PPP3CA: variants seen among roughly 807,000 people sequenced by gnomAD.
The protein encoded by PPP3CA is protein phosphatase 3 catalytic subunit alpha.
Under a neutral mutation model 66.5 loss-of-function variants are expected in PPP3CA, and 14 were observed. The ratio of observed to expected loss-of-function variants is 0.21; its 90% CI spans 0.14 to 0.33. PPP3CA has a LOEUF of 0.33. PPP3CA is among the 10% of genes least tolerant of loss of function. The pLI, the probability that PPP3CA is intolerant of heterozygous loss-of-function variation, is 1.00. For missense variants in PPP3CA, 317 were observed against 639.5 expected (o/e 0.50, Z 5.44); for synonymous variants, 232 against 226.2 (o/e 1.03, Z -0.23).
intron 1 of PPP3CA, among the ~76,000 whole-genome samples, chr4:101,216,393 C>T (rs1380416042): frequency 6.6e-6 from 1 of 151,966 alleles, no homozygotes; most frequent in Non-Finnish European, 1.5e-5. Flanking sequence ...TTTACTGTTC[C>T]CAATCATGGT....
chr4:101,234,445 T>C (rs752964603), intron 1 of PPP3CA, among the ~76,000 whole-genome samples: 13 of 151,936 alleles, frequency 8.6e-5, no homozygotes, highest in Non-Finnish European at 1.5e-4. Context: ...TGTGAGATGG[T>C]ACCACATTGT....
chr4:101,251,147 T>TCATG (rs1411131595), intron 1 of PPP3CA, among the ~76,000 whole-genome samples: 5 of 151,976 alleles, frequency 3.3e-5, no homozygotes, highest in African/African-American at 1.2e-4. Context: ...TTCTTAGCTC[T>TCATG]CATGGGCTCA....
At chr4:101,224,342 G>A (rs1174886656) in intron 1 of PPP3CA, among the ~76,000 whole-genome samples, 2 of 151,546 alleles carry the variant, frequency 1.3e-5, no homozygotes, top group Non-Finnish European at 3.0e-5. Context: ...CTTTCATTCT[G>A]TTGTACCCCT....
chr4:101,076,391 A>G (rs922505017), intron 8 of PPP3CA, among the ~76,000 whole-genome samples: 1 of 152,182 alleles, frequency 6.6e-6, no homozygotes, highest in Non-Finnish European at 1.5e-5. Context: ...TACAATGTGT[A>G]CCAAAAAGCC....
Position 101,154,186 on chromosome 4 carries a change from T to C in PPP3CA, c.259+41730A>G, listed in dbSNP as rs199539230. ...TCTATCCTCCACTCTAAATTACTTC[T>C]TGGCCAGAATGCTTCAAAAACTGTG... is the stretch of plus-strand genomic sequence containing the variant. On this transcript the variant is annotated intron_variant, in intron 2 of 13. Transcript: ENST00000394854. 2.4e-3 allele frequency among the ~76,000 whole-genome samples: 370 copies of C among 152,306 alleles called. 8 individuals carry two copies. The highest frequency in any genetic ancestry group is 0.019 in the Admixed American group (286 of 15,306).
At chr4:101,052,762 G>A (rs1258223315) in intron 10 of PPP3CA, among the ~76,000 whole-genome samples, 1 of 151,890 alleles carries the variant, frequency 6.6e-6, no homozygotes, top group Non-Finnish European at 1.5e-5. Flanking sequence ...GTCCACCCTT[G>A]CATATAATTT....
intron 1 of PPP3CA, among the ~76,000 whole-genome samples, chr4:101,295,471 C>T (rs1171092556): frequency 6.6e-6 from 1 of 152,142 alleles, no homozygotes; most frequent in Non-Finnish European, 1.5e-5. Context: ...AATTAGTACA[C>T]GCATGTTCTA....
chr4:101,043,384 A>AG (rs1727614962), intron 10 of PPP3CA, among the ~76,000 whole-genome samples: 1 of 152,088 alleles, frequency 6.6e-6, no homozygotes, highest in Non-Finnish European at 1.5e-5. Flanking sequence ...ATGCTCAAAT[A>AG]CATACTAAAT....
intron 1 of PPP3CA, among the ~76,000 whole-genome samples, chr4:101,326,970 T>C (rs993358655): frequency 6.6e-6 from 1 of 152,174 alleles, no homozygotes; most frequent in Non-Finnish European, 1.5e-5. Flanking sequence ...TTCTGAGGCA[T>C]AACTACAAAA....
chr4:101,194,383 A>C (rs987246471), intron 2 of PPP3CA, among the ~76,000 whole-genome samples: 1 of 152,152 alleles, frequency 6.6e-6, no homozygotes, highest in African/African-American at 2.4e-5. Flanking sequence ...GCAATCACTA[A>C]TATATATGAA....
At chr4:101,084,609 C>T (rs1379706655) in intron 6 of PPP3CA, among the ~76,000 whole-genome samples, 2 of 151,122 alleles carry the variant, frequency 1.3e-5, no homozygotes, top group African/African-American at 4.9e-5. Context: ...CACCATTGCA[C>T]TCCAGCCTGG....
chr4:101,132,428 A>C (rs548289625), intron 2 of PPP3CA, among the ~76,000 whole-genome samples: 18 of 152,204 alleles, frequency 1.2e-4, no homozygotes, highest in Non-Finnish European at 2.4e-4. Context: ...ATCACCACTG[A>C]TCCCACAGAA....
chr4:101,029,037 G>A, intron 13 of PPP3CA, 129 bp downstream of exon 13: 2 of 776,428 alleles, frequency 2.6e-6, no homozygotes, highest in Non-Finnish European at 4.2e-6. Flanking sequence ...GAACATTTTG[G>A]TTAATACTGA....
intron 1 of PPP3CA, among the ~76,000 whole-genome samples, chr4:101,219,293 C>T (rs1725551767): frequency 6.6e-6 from 1 of 151,936 alleles, no homozygotes. Context: ...AATCTATTCT[C>T]CCTTCACGAA....
chr4:101,056,767 C>T (rs1423398204), intron 10 of PPP3CA, among the ~76,000 whole-genome samples: 2 of 148,790 alleles, frequency 1.3e-5, no homozygotes, highest in African/African-American at 5.0e-5. Context: ...AGACAGGCTA[C>T]AGGCTGCAGG....
intron 2 of PPP3CA, among the ~76,000 whole-genome samples, chr4:101,157,879 A>C (rs1416684675): frequency 1.3e-5 from 2 of 151,518 alleles, no homozygotes; most frequent in African/African-American, 2.4e-5. Context: ...AAAAAAAAAA[A>C]AAAAAAAAAA....
intron 10 of PPP3CA, among the ~76,000 whole-genome samples, chr4:101,045,013 C>G (rs917344444): frequency 6.6e-6 from 1 of 152,230 alleles, no homozygotes; most frequent in Non-Finnish European, 1.5e-5. Flanking sequence ...CCACACATAA[C>G]AGATGTTGGC....
chr4:101,264,998 C>A (rs1321245495), intron 1 of PPP3CA, among the ~76,000 whole-genome samples: 1 of 152,106 alleles, frequency 6.6e-6, no homozygotes, highest in East Asian at 1.9e-4. Flanking sequence ...CAGCTCTGGT[C>A]TAGACGATTA....
At chr4:101,295,024 G>T (rs576844020) in intron 1 of PPP3CA, among the ~76,000 whole-genome samples, 1 of 152,072 alleles carries the variant, frequency 6.6e-6, no homozygotes, top group South Asian at 2.1e-4. Context: ...CACTCGGGCC[G>T]GGCGCGGTGG....
Sources: gnomAD v4.1 joint callset for allele counts (sites outside exome capture counted in the v4.1 genomes callset) on GRCh38, gnomAD v4.1.1 for gene constraint, MANE v1.5 for transcripts, NCBI Gene and HGNC (gene_info 2026-07-23, HGNC 2026-07-21) for gene names.